LRRTM4: variants seen among roughly 807,000 people sequenced by gnomAD.
The protein encoded by LRRTM4 is leucine rich repeat transmembrane neuronal 4, also known as leucine-rich repeat transmembrane neuronal protein 4.
In LRRTM4, 25 loss-of-function variants were observed where a neutral mutation model predicts 47.6. The ratio of observed to expected loss-of-function variants is 0.53; its 90% CI spans 0.38 to 0.73. The LOEUF (loss-of-function observed/expected upper bound fraction) is 0.73, where lower values mean the gene tolerates loss of function less well. Among genes scored for constraint, LRRTM4 ranks in the 30% least tolerant of loss-of-function variants. The pLI is 0.00. For synonymous variants in LRRTM4, 311 were observed against 269.5 expected (o/e 1.15, Z -1.51); for missense variants, 638 against 713.4 (o/e 0.89, Z 1.20).
intron 3 of LRRTM4, among the ~76,000 whole-genome samples, chr2:77,151,493 G>A (rs907886959): frequency 2.0e-5 from 3 of 152,104 alleles, no homozygotes; most frequent in East Asian, 1.9e-4. Context: ...GTTCATTGTA[G>A]CATTATTCAT....
At chr2:77,088,788 C>A (rs920606608) in intron 3 of LRRTM4, among the ~76,000 whole-genome samples, 7 of 152,292 alleles carry the variant, frequency 4.6e-5, no homozygotes, top group Admixed American at 2.0e-4. Flanking sequence ...CTCAGACCCA[C>A]CAGCCCAAGA....
At chr2:77,262,612 C>T (rs1174934779) in intron 3 of LRRTM4, among the ~76,000 whole-genome samples, 1 of 151,084 alleles carries the variant, frequency 6.6e-6, no homozygotes, top group Non-Finnish European at 1.5e-5. Context: ...CCTTTGATGA[C>T]CTTTACAATT....
intron 3 of LRRTM4, among the ~76,000 whole-genome samples, chr2:77,338,150 C>G (rs1017710449): frequency 3.3e-5 from 5 of 152,022 alleles, no homozygotes; most frequent in Non-Finnish European, 7.4e-5. Flanking sequence ...GGAACACAAC[C>G]TAGGCAACAC....
intron 3 of LRRTM4, among the ~76,000 whole-genome samples, chr2:77,176,982 A>G (rs1313811315): frequency 6.6e-6 from 1 of 152,316 alleles, no homozygotes; most frequent in Admixed American, 6.5e-5. Flanking sequence ...TCCAGAAATT[A>G]TCACATATGG....
chr2:77,303,784 G>T (rs774158086), intron 3 of LRRTM4, among the ~76,000 whole-genome samples: 1 of 152,144 alleles, frequency 6.6e-6, no homozygotes, highest in Non-Finnish European at 1.5e-5. Flanking sequence ...CAAATGACAT[G>T]ATTTCCTTCC....
chr2:76,791,403 G>A (rs550563097), intron 3 of LRRTM4, among the ~76,000 whole-genome samples: 1 of 152,178 alleles, frequency 6.6e-6, no homozygotes, highest in Admixed American at 6.5e-5. Flanking sequence ...AAATTAGAAT[G>A]TAAGTTTCAT....
At chr2:77,003,126 C>A (rs1015093445) in intron 3 of LRRTM4, among the ~76,000 whole-genome samples, 3 of 151,780 alleles carry the variant, frequency 2.0e-5, no homozygotes, top group African/African-American at 7.3e-5. Context: ...TATGGAATTT[C>A]TCTTCTCTGA....
intron 3 of LRRTM4, among the ~76,000 whole-genome samples, chr2:77,342,430 C>T (rs537889070): frequency 1.1e-4 from 17 of 151,980 alleles, no homozygotes; most frequent in African/African-American, 2.7e-4. Flanking sequence ...CTGCCCCAAA[C>T]TATCAATAGT....
At chr2:76,794,335 G>A (rs1000378656) in intron 3 of LRRTM4, among the ~76,000 whole-genome samples, 4 of 152,184 alleles carry the variant, frequency 2.6e-5, no homozygotes, top group Non-Finnish European at 4.4e-5. Flanking sequence ...ATGTGTCAGA[G>A]AGGAAAGAAA....
chr2:77,140,078 C>A (rs78704336), intron 3 of LRRTM4, among the ~76,000 whole-genome samples: 1 of 152,110 alleles, frequency 6.6e-6, no homozygotes, highest in African/African-American at 2.4e-5. Flanking sequence ...CAATGCCATC[C>A]CCATCAAGCT....
intron 3 of LRRTM4, among the ~76,000 whole-genome samples, chr2:76,876,615 G>A (rs900457702): frequency 1.3e-5 from 2 of 151,962 alleles, no homozygotes; most frequent in Non-Finnish European, 2.9e-5. Flanking sequence ...TTTATAGAAA[G>A]TAGAGCATAA....
At chr2:77,259,093 C>T (rs1015965867) in intron 3 of LRRTM4, among the ~76,000 whole-genome samples, 2 of 143,372 alleles carry the variant, frequency 1.4e-5, no homozygotes, top group Non-Finnish European at 1.5e-5. Context: ...AATCAGAATG[C>T]TCAAACATAA....
At chr2:76,848,748 T>G (rs1671907221) in intron 3 of LRRTM4, among the ~76,000 whole-genome samples, 1 of 152,274 alleles carries the variant, frequency 6.6e-6, no homozygotes, top group Middle Eastern at 3.4e-3. Context: ...AAAAAAAGTT[T>G]CTCTGATTAA....
At chr2:77,189,000 T>C (rs1673589602) in intron 3 of LRRTM4, among the ~76,000 whole-genome samples, 1 of 152,170 alleles carries the variant, frequency 6.6e-6, no homozygotes, top group African/African-American at 2.4e-5. Context: ...TTTATGAACA[T>C]GGAAGCCAAT....
chr2:77,169,082 A>G (rs988885898), intron 3 of LRRTM4, among the ~76,000 whole-genome samples: 1 of 152,196 alleles, frequency 6.6e-6, no homozygotes, highest in African/African-American at 2.4e-5. Flanking sequence ...ATACTTCAGC[A>G]TAGTCAAGAT....
chr2:76,763,209 A>G (rs1452411664), intron 3 of LRRTM4, among the ~76,000 whole-genome samples: 1 of 152,158 alleles, frequency 6.6e-6, no homozygotes, highest in African/African-American at 2.4e-5. Flanking sequence ...CCCTTTGTCT[A>G]GTTAGTGGCA....
intron 3 of LRRTM4, among the ~76,000 whole-genome samples, chr2:76,906,610 T>A: frequency 6.6e-6 from 1 of 152,112 alleles, no homozygotes; most frequent in African/African-American, 2.4e-5. Flanking sequence ...GCATCTCACA[T>A]GCAGAGACAC....
chr2:76,808,156 G>C, intron 3 of LRRTM4, among the ~76,000 whole-genome samples: 1 of 151,450 alleles, frequency 6.6e-6, no homozygotes, highest in Non-Finnish European at 1.5e-5. Flanking sequence ...CAGTAGCAGG[G>C]ATTACAGGCG....
At chr2:76,861,855 T>C (rs1267360954) in intron 3 of LRRTM4, among the ~76,000 whole-genome samples, 2 of 152,162 alleles carry the variant, frequency 1.3e-5, no homozygotes, top group African/African-American at 4.8e-5. Flanking sequence ...GAATGACACT[T>C]ATCTGAAGTA....
Sources: allele counts gnomAD v4.1 joint callset (sites outside exome capture counted in the v4.1 genomes callset), GRCh38; gene constraint gnomAD v4.1.1; transcripts MANE v1.5; gene names NCBI Gene and HGNC (gene_info 2026-07-23, HGNC 2026-07-21).